The following WDSUB1 variants were observed in gnomAD, a reference collection of about 807,000 sequenced individuals.
WDSUB1 encodes the protein WD repeat, sterile alpha motif and U-box domain containing 1.
WDSUB1 carries 49 observed loss-of-function variants against 53.9 expected under a neutral mutation model. The observed-to-expected ratio is 0.91, with a 90% CI of 0.72 to 1.15. WDSUB1 has a LOEUF of 1.15. WDSUB1 is among the 50% of genes most tolerant of loss of function. WDSUB1 has a pLI of 0.00. For missense variants in WDSUB1, 514 were observed against 562.0 expected (o/e 0.91, Z 0.86); for synonymous variants, 194 against 200.6 (o/e 0.97, Z 0.28).
intron 9 of WDSUB1, 133 bp downstream of exon 9, chr2:159,256,063 G>A (rs2061054765): frequency 4.0e-6 from 3 of 743,114 alleles, no homozygotes; most frequent in Non-Finnish European, 4.1e-6. Flanking sequence ...TGCTAGGATG[G>A]CCATAATCAA....
chr2:159,254,974 G>A (rs921545576), intron 9 of WDSUB1, among the ~76,000 whole-genome samples: 3 of 152,058 alleles, frequency 2.0e-5, no homozygotes, highest in Non-Finnish European at 4.4e-5. Context: ...ACAAAAATTT[G>A]TAAAAATAAG....
chr2:159,261,473 C>T (rs561870827), intron 5 of WDSUB1, among the ~76,000 whole-genome samples: 1 of 152,286 alleles, frequency 6.6e-6, no homozygotes, highest in Admixed American at 6.5e-5. Context: ...TGACAGCTAA[C>T]ACTACGTGAG....
intron 10 of WDSUB1, among the ~76,000 whole-genome samples, chr2:159,238,161 A>G (rs2151030493): frequency 6.6e-6 from 1 of 152,252 alleles, no homozygotes; most frequent in African/African-American, 2.4e-5. Flanking sequence ...TGAGCTATTC[A>G]TATTTTTTGC....
chr2:159,247,886 A>AATATATATAT (rs373694392), intron 10 of WDSUB1, among the ~76,000 whole-genome samples: 1 of 63,822 alleles, frequency 1.6e-5, no homozygotes, highest in Admixed American at 2.4e-4. Context: ...AAATTAAATA[A>AATATATATAT]ATATATATAT....
chr2:159,256,008 T>C (rs1337668134), intron 9 of WDSUB1, among the ~76,000 whole-genome samples, 188 bp downstream of exon 9: 4 of 152,184 alleles, frequency 2.6e-5, no homozygotes, highest in Non-Finnish European at 4.4e-5. Context: ...TGCATGTCAT[T>C]AGGTAAATGA....
rs911187632 is a variant in WDSUB1 at position 159,283,153 on chromosome 2, G to A, written c.-24-60C>T. ...TAGGAATCAGATACATGCAATTTGA[G>A]TCTATATAAAAGGGCCAAAATGTTT... On this transcript the variant is annotated intron_variant, in intron 1 of 10. Transcript: ENST00000359774. The A allele has an allele frequency of 3.4e-6, 5 of 1,449,400 alleles. No individual in the cohort carries two copies. In the African/African-American group the frequency reaches 7.1e-5, roughly 21 times the overall value. The allele number at this position is 1,449,400 out of a possible 1,614,324, so 89.8% of individuals were successfully genotyped here. A position where few individuals can be genotyped will look rare whatever the true frequency, so the allele number is the denominator to read the frequency against.
intron 10 of WDSUB1, among the ~76,000 whole-genome samples, chr2:159,245,465 G>A (rs564611438): frequency 3.7e-4 from 56 of 151,908 alleles, no homozygotes; most frequent in Non-Finnish European, 4.9e-4. Context: ...CCCGGGAGGC[G>A]GAGGTTGCAG....
In WDSUB1 at chr2:159,271,823, G is replaced by A. The variant is rs776442263; in HGVS notation, c.677-28C>T. The stretch of plus-strand genomic sequence containing the variant: ...GCAAATAACAAGGTAACAGAGATTA[G>A]AAAGCTGACCATGCTTAGAATTGAT... On this transcript the variant is annotated intron_variant, in intron 4 of 10. Transcript: ENST00000359774. The A allele has an allele frequency of 4.5e-6, 7 of 1,568,630 alleles. No homozygotes were observed. In the South Asian group the frequency reaches 7.9e-5, roughly 18 times the overall value.
chr2:159,271,895 G>C, intron 4 of WDSUB1, 100 bp from the exon 5 acceptor site: 2 of 977,326 alleles, frequency 2.0e-6, no homozygotes, highest in Non-Finnish European at 1.5e-6. Context: ...AATAATCTTT[G>C]AGTGCCTAAA....
intron 8 of WDSUB1, 30 bp downstream of exon 8, chr2:159,257,728 A>T: frequency 6.3e-7 from 1 of 1,584,956 alleles, no homozygotes; most frequent in South Asian, 1.1e-5. Context: ...AGTGGGGTTG[A>T]AATGAGTGAA....
At position 159,282,727 on chromosome 2, in the gene WDSUB1, CT is replaced by C; in HGVS notation, c.342del (p.Ala116GlnfsTer48). Reference protein sequence around the residue: ...QFSPDSTCLASGAADGTVVLW... With the variant: ...QFSPDSTCLAXGAADGTVVLW... ...AAAACCACAGTTCCATCAGCTGCCC[CT>C]GATGCCAAACACGTGGAGTCTGGGG... On this transcript the variant is annotated frameshift_variant, in exon 2 of 11. Coordinates refer to ENST00000359774, the MANE Select transcript of WDSUB1 (RefSeq NM_001128212.3). LOFTEE classifies it high-confidence loss of function. The C allele has an allele frequency of 6.2e-7, 1 of 1,614,088 alleles. No homozygotes were observed. Among genetic ancestry groups the C allele is most frequent in the Non-Finnish European group, 8.5e-7 (1 of 1,179,978 alleles).
chr2:159,283,089 A>G lies in WDSUB1; in HGVS notation c.-20T>C. 1 of 1,580,874 alleles carries G rather than the reference A, an allele frequency of 6.3e-7. No homozygotes were observed. The highest frequency in any genetic ancestry group is 8.6e-7 in the Non-Finnish European group (1 of 1,161,636). ...CACCATGTTCTTTATTTGAAGAAAA[A>G]CAGCCTGAAATTTTTAAGCAGATAA... is the stretch of plus-strand genomic sequence containing the variant. On this transcript the variant is annotated 5_prime_UTR_variant, in exon 2 of 11. Coordinates refer to ENST00000359774, the MANE Select transcript of WDSUB1 (RefSeq NM_001128212.3).
At chr2:159,249,606 GA>G (rs1036740333) in intron 9 of WDSUB1, among the ~76,000 whole-genome samples, 1 of 152,158 alleles carries the variant, frequency 6.6e-6, no homozygotes, top group African/African-American at 2.4e-5. Flanking sequence ...GGAAGCTAGA[GA>G]TAGTGCGTCC....
At chr2:159,278,676 A>G (rs181560455) in intron 3 of WDSUB1, among the ~76,000 whole-genome samples, 301 of 152,336 alleles carry the variant, frequency 2.0e-3, no homozygotes, top group African/African-American at 6.4e-3. Flanking sequence ...ACCCTTGGAA[A>G]AATCTTAGAA....
chr2:159,236,773 C>T (rs186639097), intron 10 of WDSUB1, among the ~76,000 whole-genome samples: 4 of 152,214 alleles, frequency 2.6e-5, no homozygotes, highest in Admixed American at 1.3e-4. Flanking sequence ...TCACAGGCAC[C>T]TGGTACCACA....
At chr2:159,282,493 A>G (rs2061687202) in intron 2 of WDSUB1, among the ~76,000 whole-genome samples, 179 bp downstream of exon 2, 1 of 152,172 alleles carries the variant, frequency 6.6e-6, no homozygotes, top group South Asian at 2.1e-4. Context: ...CACCTGGCCC[A>G]GTTAAAATAT....
chr2:159,279,831 C>T lies in WDSUB1; in HGVS notation c.513G>A (p.Arg171=), dbSNP rs1481840925. The T allele has an allele frequency of 5.6e-6, 9 of 1,612,674 alleles. No homozygotes were observed. The highest frequency in any genetic ancestry group is 1.7e-5 in the Admixed American group (1 of 60,000). ...CATGTGCTTTTTCACTATGCAGACA[C>T]CTCATTTTATCATCCCACACTGTTA... ...GDLTVWDDKM[R]CLHSEKAHDL... Residue 171 remains arginine (R), a synonymous_variant, in exon 3 of 11, where the codon AGG becomes AGA. Coordinates refer to ENST00000359774, the MANE Select transcript of WDSUB1 (RefSeq NM_001128212.3).
chr2:159,236,618 C>G (rs76705069), intron 10 of WDSUB1, among the ~76,000 whole-genome samples: 2,555 of 152,194 alleles, frequency 0.017, 80 homozygotes, highest in African/African-American at 0.059. Flanking sequence ...ACAGAATTTA[C>G]TCCCCTAAGG....
chr2:159,241,374 C>T (rs1167979842), intron 10 of WDSUB1, among the ~76,000 whole-genome samples: 1 of 152,132 alleles, frequency 6.6e-6, no homozygotes, highest in African/African-American at 2.4e-5. Context: ...CCAGCCTGGC[C>T]AACGTGGCAA....
Sources: allele counts gnomAD v4.1 joint callset (sites outside exome capture counted in the v4.1 genomes callset), GRCh38; gene constraint gnomAD v4.1.1; transcripts MANE v1.5; gene names NCBI Gene and HGNC (gene_info 2026-07-23, HGNC 2026-07-21).